Variants in CDH12 observed in about 807,000 individuals in gnomAD.
The protein encoded by CDH12 is cadherin 12, also known as cadherin-12.
CDH12 carries 41 observed loss-of-function variants against 74.1 expected under a neutral mutation model. The ratio of observed to expected loss-of-function variants is 0.55; its 90% CI spans 0.43 to 0.72. The LOEUF is 0.72. CDH12 is among the 30% of genes least tolerant of loss of function. The pLI is 0.00. For missense variants in CDH12, 945 were observed against 977.2 expected (o/e 0.97, Z 0.44); for synonymous variants, 399 against 355.0 (o/e 1.12, Z -1.39).
intron 2 of CDH12, among the ~76,000 whole-genome samples, chr5:22,471,264 C>G (rs1745947499): frequency 6.6e-6 from 1 of 152,178 alleles, no homozygotes; most frequent in South Asian, 2.1e-4. Context: ...GACAAGCTCT[C>G]TGCAGGTTTG....
rs547681637 is a variant in CDH12 at position 22,553,962 on chromosome 5, G to A, written c.-522-48598C>T. ...TACACAAATACTTAAAAATGCTTAAGGAAATAAATACATCCTTAAGAAAAC... is the reference window on the plus strand; with the variant it reads ...TACACAAATACTTAAAAATGCTTAAAGAAATAAATACATCCTTAAGAAAAC... On this transcript the variant is annotated intron_variant, in intron 1 of 14. Transcript: ENST00000382254. Among the ~76,000 whole-genome samples the A allele has an allele frequency of 2.0e-5, 3 of 152,260 alleles. No homozygotes were observed. The East Asian group carries it at 5.8e-4, about 29-fold the overall frequency.
intron 1 of CDH12, among the ~76,000 whole-genome samples, chr5:22,779,485 A>G (rs1390429020): frequency 1.3e-5 from 2 of 152,204 alleles, no homozygotes; most frequent in African/African-American, 4.8e-5. Flanking sequence ...AATCATTCAC[A>G]AAACTTAAAA....
At chr5:22,396,412 G>A (rs72744851) in intron 3 of CDH12, among the ~76,000 whole-genome samples, 11,010 of 152,120 alleles carry the variant, frequency 0.072, 458 homozygotes, top group South Asian at 0.17. Flanking sequence ...GAAAAGAAAA[G>A]TGTTCTATTA....
intron 3 of CDH12, among the ~76,000 whole-genome samples, chr5:22,298,076 C>T (rs1030184540): frequency 6.6e-6 from 1 of 151,118 alleles, no homozygotes; most frequent in Non-Finnish European, 1.5e-5. Context: ...TAGTCCTTAA[C>T]ATACCTCATT....
intron 3 of CDH12, among the ~76,000 whole-genome samples, chr5:22,315,119 C>CTTTGTTTTTTTTTT (rs1738570403): frequency 4.3e-5 from 1 of 22,994 alleles, no homozygotes; most frequent in African/African-American, 2.2e-4. Flanking sequence ...GCCTGCCTGG[C>CTTTGTTTTTTTTTT]TTTTTTTTTT....
chr5:22,757,253 A>G (rs1487178721), intron 1 of CDH12, among the ~76,000 whole-genome samples: 1 of 152,162 alleles, frequency 6.6e-6, no homozygotes, highest in Non-Finnish European at 1.5e-5. Flanking sequence ...TGTTACACCA[A>G]AGATCTTATT....
chr5:22,717,180 C>G lies in CDH12; in HGVS notation c.-523+135878G>C, dbSNP rs1743620794. 2.6e-5 allele frequency among the ~76,000 whole-genome samples: 4 copies of G among 152,160 alleles called. No homozygotes were observed. In the South Asian group the frequency reaches 8.3e-4, roughly 31 times the overall value. On this transcript the variant is annotated intron_variant, in intron 1 of 14. Transcript: ENST00000382254. Reference sequence around the variant, plus strand: ...CATTCACCCACCTCTCACTCACTGACTCACCCAGAGCAACTTCCAGTACTG... The same window carrying G: ...CATTCACCCACCTCTCACTCACTGAGTCACCCAGAGCAACTTCCAGTACTG...
chr5:22,307,868 TTTTAG>T (rs1738180669), intron 3 of CDH12, among the ~76,000 whole-genome samples: 1 of 119,268 alleles, frequency 8.4e-6, no homozygotes, highest in African/African-American at 3.1e-5. Context: ...TGCTGCTTTC[TTTTAG>T]TTTTTTTTTT....
At chr5:22,535,872 A>C (rs1737822388) in intron 1 of CDH12, among the ~76,000 whole-genome samples, 1 of 152,242 alleles carries the variant, frequency 6.6e-6, no homozygotes, top group Non-Finnish European at 1.5e-5. Context: ...AACCAACCAC[A>C]GATGAAAAAT....
chr5:21,869,885 T>C (rs1158565779), intron 6 of CDH12, among the ~76,000 whole-genome samples: 1 of 152,142 alleles, frequency 6.6e-6, no homozygotes, highest in Admixed American at 6.5e-5. Context: ...AGTGGTATGG[T>C]TTGGCTCTGT....
intron 1 of CDH12, among the ~76,000 whole-genome samples, chr5:22,678,344 A>G (rs1258445857): frequency 6.6e-6 from 1 of 152,146 alleles, no homozygotes; most frequent in African/African-American, 2.4e-5. Context: ...ACTGTCAAAA[A>G]CCACAGAAAT....
intron 4 of CDH12, among the ~76,000 whole-genome samples, chr5:22,160,235 T>C (rs1209575339): frequency 1.3e-5 from 2 of 152,216 alleles, no homozygotes; most frequent in East Asian, 1.9e-4. Flanking sequence ...CTCCTTTTTT[T>C]CTTTTTAGAA....
At chr5:22,048,886 G>C (rs1417632794) in intron 5 of CDH12, among the ~76,000 whole-genome samples, 1 of 152,030 alleles carries the variant, frequency 6.6e-6, no homozygotes, top group South Asian at 2.1e-4. Flanking sequence ...ACTCAGCACA[G>C]AACTGTATGG....
intron 3 of CDH12, among the ~76,000 whole-genome samples, chr5:22,233,109 G>A (rs1434963849): frequency 6.6e-6 from 1 of 151,130 alleles, no homozygotes; most frequent in Non-Finnish European, 1.5e-5. Flanking sequence ...GATTTTAAAG[G>A]TTATTATCAA....
intron 1 of CDH12, among the ~76,000 whole-genome samples, chr5:22,654,289 T>C (rs1214531285): frequency 6.6e-6 from 1 of 151,924 alleles, no homozygotes; most frequent in Non-Finnish European, 1.5e-5. Context: ...ATTTCTTTCT[T>C]TCTTTCTTCT....
intron 4 of CDH12, among the ~76,000 whole-genome samples, chr5:22,085,167 CA>C (rs1407611092): frequency 1.4e-5 from 2 of 140,624 alleles, no homozygotes; most frequent in Non-Finnish European, 3.1e-5. Flanking sequence ...TCCCTTTTAG[CA>C]GGAGGGATTT....
chr5:21,940,721 G>C (rs1171646286), intron 6 of CDH12, among the ~76,000 whole-genome samples: 1 of 152,034 alleles, frequency 6.6e-6, no homozygotes, highest in Non-Finnish European at 1.5e-5. Flanking sequence ...GTATATATCT[G>C]ATGATATACA....
intron 10 of CDH12, among the ~76,000 whole-genome samples, chr5:21,784,388 G>A (rs990036241): frequency 6.6e-6 from 1 of 151,990 alleles, no homozygotes; most frequent in Non-Finnish European, 1.5e-5. Context: ...AAAAATGTCT[G>A]CAGAATAGTA....
At chr5:22,043,317 T>C (rs933582395) in intron 5 of CDH12, among the ~76,000 whole-genome samples, 19 of 152,134 alleles carry the variant, frequency 1.2e-4, no homozygotes, top group Admixed American at 1.2e-3. Flanking sequence ...AGGTGATTCT[T>C]TACATTGACA....
Sources: gnomAD v4.1 joint callset for allele counts (sites outside exome capture counted in the v4.1 genomes callset) on GRCh38, gnomAD v4.1.1 for gene constraint, MANE v1.5 for transcripts, NCBI Gene and HGNC (gene_info 2026-07-23, HGNC 2026-07-21) for gene names.